The following PPM1H variants were observed in gnomAD, a reference collection of about 807,000 sequenced individuals.
The protein encoded by PPM1H is protein phosphatase 1H.
PPM1H carries 27 observed loss-of-function variants against 54.9 expected under a neutral mutation model. The observed-to-expected ratio is 0.49, with a 90% CI of 0.36 to 0.68. The LOEUF (loss-of-function observed/expected upper bound fraction) is 0.68, where lower values mean the gene tolerates loss of function less well. Ranked by LOEUF, PPM1H falls within the 30% of genes least tolerant of loss-of-function variation. The probability of loss-of-function intolerance (pLI) is 0.00; values close to 1 mark genes in which losing one functional copy is unlikely to be tolerated. For missense variants in PPM1H, 596 were observed against 667.8 expected, an observed-to-expected ratio of 0.89 and a Z score of 1.19; for synonymous variants, 305 against 270.8, an observed-to-expected ratio of 1.13 and a Z score of -1.24.
intron 5 of PPM1H, 88 bp from the exon 6 acceptor site, chr12:62,720,377 C>G: frequency 1.0e-6 from 1 of 978,262 alleles, no homozygotes; most frequent in Non-Finnish European, 1.5e-6. Context: ...CAAATTGAGA[C>G]AGGCCATATT....
At chr12:62,707,794 A>G (rs1308685031) in intron 6 of PPM1H, among the ~76,000 whole-genome samples, 2 of 152,154 alleles carry the variant, frequency 1.3e-5, no homozygotes, top group African/African-American at 4.8e-5. Flanking sequence ...TGTATCTTCA[A>G]TGCCCAACCT....
rs553037320 is a variant in PPM1H at position 62,741,228 on chromosome 12, G to A, written c.870-3642C>T. Among the ~76,000 whole-genome samples the A allele has an allele frequency of 3.1e-4, 47 of 152,180 alleles. No individual in the cohort carries two copies. The Middle Eastern group carries it at 0.01, about 33-fold the overall frequency. ...CATATGTCCAAATAGGCACCCAGGC[G>A]TGTAGATTTCACCTCCTCAGCAGCA... On this transcript the variant is annotated intron_variant, in intron 4 of 9. Transcript: ENST00000228705.
At chr12:62,885,171 T>C (rs887870925) in intron 1 of PPM1H, among the ~76,000 whole-genome samples, 2 of 152,166 alleles carry the variant, frequency 1.3e-5, no homozygotes, top group Non-Finnish European at 1.5e-5. Flanking sequence ...CCAGCCCCCA[T>C]GGTTCAATGA....
chr12:62,649,660 T>C (rs1484793138), intron 9 of PPM1H, among the ~76,000 whole-genome samples: 3 of 152,242 alleles, frequency 2.0e-5, no homozygotes, highest in African/African-American at 7.2e-5. Context: ...TCTGATTTCG[T>C]GTTCACCAAA....
chr12:62,855,701 C>T (rs1869358852), intron 1 of PPM1H, among the ~76,000 whole-genome samples: 1 of 152,098 alleles, frequency 6.6e-6, no homozygotes, highest in South Asian at 2.1e-4. Flanking sequence ...GGTCTCTGGG[C>T]CTGTGAATGA....
chr12:62,916,843 C>T (rs1291487237), intron 1 of PPM1H, among the ~76,000 whole-genome samples: 1 of 151,782 alleles, frequency 6.6e-6, no homozygotes, highest in Non-Finnish European at 1.5e-5. Flanking sequence ...AGCCACTTAA[C>T]CCTGATGACC....
At chr12:62,658,196 T>TTTTA (rs1283062325) in intron 9 of PPM1H, among the ~76,000 whole-genome samples, 3 of 135,484 alleles carry the variant, frequency 2.2e-5, no homozygotes, top group African/African-American at 9.4e-5. Context: ...TTTTTTTTTT[T>TTTTA]TTTTTTTTTT....
At chr12:62,927,227 T>C (rs1467356419) in intron 1 of PPM1H, among the ~76,000 whole-genome samples, 1 of 152,122 alleles carries the variant, frequency 6.6e-6, no homozygotes, top group African/African-American at 2.4e-5. Flanking sequence ...TAGAAATTAA[T>C]CATAAGGAAA....
intron 1 of PPM1H, among the ~76,000 whole-genome samples, chr12:62,852,244 A>T (rs1474641845): frequency 1.3e-5 from 2 of 150,410 alleles, no homozygotes; most frequent in African/African-American, 2.4e-5. Flanking sequence ...AAAAAAAAAA[A>T]AAAAAAAGAG....
intron 1 of PPM1H, among the ~76,000 whole-genome samples, chr12:62,907,229 G>A (rs1871327373): frequency 6.6e-6 from 1 of 152,188 alleles, no homozygotes; most frequent in African/African-American, 2.4e-5. Context: ...AGGCAACAAA[G>A]CAAATGGCAC....
intron 6 of PPM1H, among the ~76,000 whole-genome samples, chr12:62,698,190 T>G (rs1344267719): frequency 1.3e-5 from 2 of 151,662 alleles, no homozygotes; most frequent in Admixed American, 1.3e-4. Flanking sequence ...GTACCCCAAG[T>G]GTAGGAATCC....
intron 2 of PPM1H, among the ~76,000 whole-genome samples, chr12:62,806,253 T>G (rs2076804618): frequency 6.6e-6 from 1 of 152,126 alleles, no homozygotes; most frequent in Non-Finnish European, 1.5e-5. Context: ...TATGGTGACA[T>G]GAACCATTAC....
At chr12:62,800,633 G>A (rs1050587072) in intron 3 of PPM1H, among the ~76,000 whole-genome samples, 11 of 152,012 alleles carry the variant, frequency 7.2e-5, no homozygotes, top group South Asian at 2.1e-4. Flanking sequence ...CACCGTGCCC[G>A]GCCTGTAATC....
intron 4 of PPM1H, among the ~76,000 whole-genome samples, chr12:62,751,053 A>G (rs1253363761): frequency 6.6e-6 from 1 of 152,222 alleles, no homozygotes; most frequent in East Asian, 1.9e-4. Flanking sequence ...GACTGGGTGA[A>G]GCCACCAAAG....
Position 62,934,964 on chromosome 12 carries a change from G to A in PPM1H, c.-228C>T, listed in dbSNP as rs978210132. 1.2e-4 allele frequency: 33 copies of A among 277,104 alleles called. No individual in the cohort carries two copies. Among genetic ancestry groups the A allele is most frequent in the Non-Finnish European group, 1.9e-4 (30 of 154,864 alleles). The allele number at this position is 277,104 out of a possible 1,614,324, so 17.2% of individuals were successfully genotyped here. ...CCTCCCCCCGCTACACTTCCGCAACGGAGCTGCATGGAGCGGGCCGACCGG... is the reference window on the plus strand; with the variant it reads ...CCTCCCCCCGCTACACTTCCGCAACAGAGCTGCATGGAGCGGGCCGACCGG... On this transcript the variant is annotated 5_prime_UTR_variant, in exon 1 of 10. Transcript: ENST00000228705. The surrounding 1 kb of genome is among the most constrained non-coding windows in gnomAD (Gnocchi z 4.2).
intron 8 of PPM1H, among the ~76,000 whole-genome samples, chr12:62,670,304 C>A (rs2075949892): frequency 6.6e-6 from 1 of 152,022 alleles, no homozygotes; most frequent in Non-Finnish European, 1.5e-5. Flanking sequence ...TGGGTTATAC[C>A]TACAATAAAT....
chr12:62,714,931 T>C (rs2120438322), intron 6 of PPM1H, among the ~76,000 whole-genome samples: 1 of 152,294 alleles, frequency 6.6e-6, no homozygotes, highest in Non-Finnish European at 1.5e-5. Context: ...GAATCTGGCC[T>C]GGCGCCAGGG....
chr12:62,687,800 G>A (rs573331941), intron 8 of PPM1H, among the ~76,000 whole-genome samples: 1 of 152,128 alleles, frequency 6.6e-6, no homozygotes, highest in South Asian at 2.1e-4. Flanking sequence ...CTATAGCTCA[G>A]GAATTCAACA....
rs560505853 is a variant in PPM1H at position 62,846,136 on chromosome 12, C to A, written c.246-13857G>T. On this transcript the variant is annotated intron_variant, in intron 1 of 9. Coordinates refer to ENST00000228705, the MANE Select transcript of PPM1H (RefSeq NM_020700.2). The stretch of plus-strand genomic sequence containing the variant: ...CAGGCCCGGACTGACCTTTCTCAAC[C>A]GTGAATGTGGCCATGTCTCTCCCAT... 1.3e-4 allele frequency among the ~76,000 whole-genome samples: 20 copies of A among 152,252 alleles called. 1 individual carries two copies. In the East Asian group the frequency reaches 2.1e-3, roughly 16 times the overall value.
Sources: allele counts gnomAD v4.1 joint callset (sites outside exome capture counted in the v4.1 genomes callset), GRCh38; gene constraint gnomAD v4.1.1; non-coding constraint Gnocchi (gnomAD v3.1); transcripts MANE v1.5; gene names NCBI Gene and HGNC (gene_info 2026-07-23, HGNC 2026-07-21).